Variants in ST8SIA1 observed in about 807,000 individuals in gnomAD.
The protein encoded by ST8SIA1 is ST8 alpha-N-acetyl-neuraminide alpha-2,8-sialyltransferase 1.
Under a neutral mutation model 35.9 loss-of-function variants are expected in ST8SIA1, and 16 were observed. That is an observed-to-expected ratio of 0.45 (90% CI 0.30 to 0.68). The LOEUF is 0.68. ST8SIA1 is among the 30% of genes least tolerant of loss of function. The pLI is 0.09. For synonymous variants in ST8SIA1, 170 were observed against 169.6 expected (o/e 1.00, Z -0.02); for missense variants, 383 against 453.6 (o/e 0.84, Z 1.41).
intron 1 of ST8SIA1, among the ~76,000 whole-genome samples, chr12:22,305,966 T>C (rs2135828690): frequency 6.6e-6 from 1 of 152,310 alleles, no homozygotes; most frequent in South Asian, 2.1e-4. Context: ...GAAAGGACTA[T>C]CATCATCTTT....
chr12:22,330,576 CA>C (rs1383501831), intron 1 of ST8SIA1, among the ~76,000 whole-genome samples: 2 of 152,146 alleles, frequency 1.3e-5, no homozygotes, highest in Non-Finnish European at 2.9e-5. Flanking sequence ...TAATTATATA[CA>C]TTATCTGTCT....
At chr12:22,230,299 C>A (rs1442940684) in intron 4 of ST8SIA1, among the ~76,000 whole-genome samples, 2 of 152,082 alleles carry the variant, frequency 1.3e-5, no homozygotes, top group African/African-American at 4.8e-5. Flanking sequence ...ATGAAAAAGG[C>A]AACCTTCTAA....
intron 1 of ST8SIA1, among the ~76,000 whole-genome samples, chr12:22,308,415 C>T (rs919401333): frequency 2.6e-5 from 4 of 152,166 alleles, no homozygotes; most frequent in African/African-American, 9.7e-5. Flanking sequence ...TCTTCAAAAT[C>T]GGTACACACT....
intron 1 of ST8SIA1, among the ~76,000 whole-genome samples, chr12:22,296,135 G>T (rs1478897437): frequency 1.3e-5 from 2 of 152,176 alleles, no homozygotes; most frequent in Admixed American, 6.5e-5. Context: ...AGAGGAGCAT[G>T]CCTGGTATGC....
chr12:22,294,037 AT>A (rs940499351), intron 1 of ST8SIA1, among the ~76,000 whole-genome samples: 91 of 148,018 alleles, frequency 6.1e-4, no homozygotes, highest in East Asian at 4.4e-3. Flanking sequence ...TGAAGCAGGT[AT>A]TTTTTTTTTT....
At chr12:22,252,323 C>T (rs956628501) in intron 3 of ST8SIA1, among the ~76,000 whole-genome samples, 2 of 152,174 alleles carry the variant, frequency 1.3e-5, no homozygotes, top group African/African-American at 4.8e-5. Flanking sequence ...GCTTTCTAAT[C>T]TACGTTTATT....
In ST8SIA1 at chr12:22,202,052, A is replaced by T; in HGVS notation, c.585-14T>A. ...AGGTTCTGAAACCTATTGAAGAAAA[A>T]AAAAACTGTTCAATTAAACCTAGAG... On this transcript the variant is annotated splice_polypyrimidine_tract_variant and intron_variant, in intron 4 of 4. Transcript: ENST00000396037. 6.4e-7 allele frequency: 1 copy of T among 1,551,816 alleles called. No homozygotes were observed. The highest frequency in any genetic ancestry group is 1.8e-4 in the Middle Eastern group (1 of 5,446).
At chr12:22,219,939 T>G (rs886846710) in intron 4 of ST8SIA1, among the ~76,000 whole-genome samples, 2 of 152,180 alleles carry the variant, frequency 1.3e-5, no homozygotes, top group Non-Finnish European at 2.9e-5. Flanking sequence ...TTTTAATCCA[T>G]TTTCAGTAAG....
rs114387927 is a variant in ST8SIA1, at chr12:22,235,435, T to C, written c.584+13571A>G. ...TATTTTAATAAAGTAATAGAAATAT[T>C]CACATACTAATAAATGTTACTGTCA... On this transcript the variant is annotated intron_variant, in intron 4 of 4. Coordinates refer to ENST00000396037, the MANE Select transcript of ST8SIA1 (RefSeq NM_003034.4). Among the ~76,000 whole-genome samples the C allele has an allele frequency of 2.5e-3, 388 of 152,310 alleles. 3 individuals carry two copies. Among genetic ancestry groups the C allele is most frequent in the African/African-American group, 8.9e-3 (370 of 41,572 alleles).
At chr12:22,237,041 A>G (rs1865482768) in intron 4 of ST8SIA1, among the ~76,000 whole-genome samples, 1 of 152,196 alleles carries the variant, frequency 6.6e-6, no homozygotes, top group Admixed American at 6.6e-5. Context: ...TTGCCCCTCC[A>G]ACTCACAGGG....
At chr12:22,318,595 G>A (rs1213065587) in intron 1 of ST8SIA1, among the ~76,000 whole-genome samples, 1 of 152,128 alleles carries the variant, frequency 6.6e-6, no homozygotes, top group African/African-American at 2.4e-5. Context: ...CTAAGCCACT[G>A]GGATGAATCA....
chr12:22,304,757 C>T (rs1434231316), intron 1 of ST8SIA1, among the ~76,000 whole-genome samples: 1 of 152,200 alleles, frequency 6.6e-6, no homozygotes, highest in African/African-American at 2.4e-5. Flanking sequence ...TAATAATTCT[C>T]CTTTTTTGGA....
chr12:22,306,266 G>C (rs1463435059), intron 1 of ST8SIA1, among the ~76,000 whole-genome samples: 3 of 152,162 alleles, frequency 2.0e-5, no homozygotes, highest in African/African-American at 7.2e-5. Context: ...CTGAGGCTGT[G>C]TCATGGGCAC....
At chr12:22,313,502 G>T (rs932223999) in intron 1 of ST8SIA1, among the ~76,000 whole-genome samples, 1 of 152,192 alleles carries the variant, frequency 6.6e-6, no homozygotes, top group South Asian at 2.1e-4. Context: ...CACTCAAAAT[G>T]AGAAGCAAGA....
rs3063802 is a variant in ST8SIA1 at position 22,304,334 on chromosome 12, C to CT, written c.237-17042dup. 9.0e-3 allele frequency among the ~76,000 whole-genome samples: 961 copies of CT among 106,194 alleles called. 3 individuals are homozygous for CT. The highest frequency in any genetic ancestry group is 0.013 in the Non-Finnish European group (677 of 53,036). 69.7% of individuals were successfully genotyped at this position (106,194 alleles called of 152,430 possible). The stretch of plus-strand genomic sequence containing the variant: ...CCTAGGACCTTGTCTTTTTCTTTTT[C>CT]TTTTTTTTTTTTTTTTTTTTTGAGC... On this transcript the variant is annotated intron_variant, in intron 1 of 4. Coordinates refer to ENST00000396037, the MANE Select transcript of ST8SIA1 (RefSeq NM_003034.4).
rs184724897 is a variant in ST8SIA1, at chr12:22,247,638, A to T, written c.584+1368T>A. Among the ~76,000 whole-genome samples the T allele has an allele frequency of 2.1e-4, 32 of 152,166 alleles. No homozygotes were observed. In the East Asian group the frequency reaches 5.4e-3, roughly 26 times the overall value. ...TAAATGCATTAGAAACATTCAGGAT[A>T]TTTTTTTCAGGGAAGGGAGGAGCAT... is the stretch of plus-strand genomic sequence containing the variant. On this transcript the variant is annotated intron_variant, in intron 4 of 4. Coordinates refer to ENST00000396037, the MANE Select transcript of ST8SIA1 (RefSeq NM_003034.4).
intron 4 of ST8SIA1, among the ~76,000 whole-genome samples, chr12:22,204,518 C>A (rs567592727): frequency 1.3e-5 from 2 of 152,212 alleles, no homozygotes; most frequent in South Asian, 2.1e-4. Flanking sequence ...GAATGGCTCC[C>A]ATTTCACAGG....
intron 1 of ST8SIA1, among the ~76,000 whole-genome samples, chr12:22,293,824 T>A (rs1234397943): frequency 6.6e-6 from 1 of 152,166 alleles, no homozygotes; most frequent in Non-Finnish European, 1.5e-5. Context: ...ACGTTCACCA[T>A]ATAAAGAGTA....
intron 3 of ST8SIA1, among the ~76,000 whole-genome samples, chr12:22,251,315 CCATGGCTCATGTGTCTGGGTCTTTT>C (rs1865667208): frequency 6.6e-6 from 1 of 152,098 alleles, no homozygotes; most frequent in East Asian, 1.9e-4. Context: ...CCTGTGTGTT[CCATGGCTCATGTGTCTGGGTCTTTT>C]CATATTTACT....
Sources: gnomAD v4.1 joint callset for allele counts (sites outside exome capture counted in the v4.1 genomes callset) on GRCh38, gnomAD v4.1.1 for gene constraint, MANE v1.5 for transcripts, NCBI Gene and HGNC (gene_info 2026-07-23, HGNC 2026-07-21) for gene names.